Variants in AR observed in about 807,000 individuals in gnomAD.
AR encodes the protein androgen receptor.
In AR, 8 loss-of-function variants were observed where a neutral mutation model predicts 53.9. That is an observed-to-expected ratio of 0.15 (90% CI 0.09 to 0.27). The LOEUF (loss-of-function observed/expected upper bound fraction) is 0.27, where lower values mean the gene tolerates loss of function less well. Among genes scored for constraint, AR ranks in the 10% least tolerant of loss-of-function variants. The pLI, the probability that AR is intolerant of heterozygous loss-of-function variation, is 1.00. For missense variants in AR, 639 were observed against 742.5 expected, an observed-to-expected ratio of 0.86 and a Z score of 1.62; for synonymous variants, 359 against 316.4, an observed-to-expected ratio of 1.13 and a Z score of -1.43.
intron 1 of AR, among the ~76,000 whole-genome samples, chrX:67,637,752 C>T (rs1453783598): frequency 9.0e-6 from 1 of 111,280 alleles, no homozygotes; most frequent in African/African-American, 3.3e-5. Context: ...CAGCAACACT[C>T]CATTTCCGTT....
At chrX:67,655,152 A>G (rs147967903) in intron 2 of AR, among the ~76,000 whole-genome samples, 1,299 of 109,548 alleles carry the variant, frequency 0.012, 14 homozygotes, top group Non-Finnish European at 0.019. Context: ...TTCCACCAGA[A>G]TCAACTTCAG....
At position 67,546,733 on chromosome X, in the gene AR, T is replaced by C. The variant is rs757313001; in HGVS notation, c.1587T>C (p.Asp529=). The change falls in exon 1 of 8, where the codon GAT becomes GAC. Residue 529 remains aspartate (D), a synonymous_variant. Transcript: ENST00000374690. ...AAAGCGAAATGGGCCCCTGGATGGATAGCTACTCCGGACCTTACGGGGACA... is the reference window on the plus strand; with the variant it reads ...AAAGCGAAATGGGCCCCTGGATGGACAGCTACTCCGGACCTTACGGGGACA... The part of the protein sequence containing the change: ...CVKSEMGPWM[D]SYSGPYGDMR... The C allele has an allele frequency of 9.9e-6, 12 of 1,206,207 alleles. 1 individual carries two copies. The Admixed American group carries it at 1.8e-4, about 18-fold the overall frequency.
chrX:67,591,034 A>G (rs1001735322), intron 1 of AR, among the ~76,000 whole-genome samples: 4 of 111,986 alleles, frequency 3.6e-5, no homozygotes, highest in African/African-American at 1.3e-4. Context: ...TCTGCACTTT[A>G]TATTGGGTTT....
rs2076162782 is a variant in AR, at chrX:67,727,549, T to A, written c.*3708T>A. ...TTGAGCTTCAAGTAGCTTCTAAGTG[T>A]TTGTTTCATTAGGCACAGCACAGAT... is the stretch of plus-strand genomic sequence containing the variant. On this transcript the variant is annotated 3_prime_UTR_variant, in exon 8 of 8. Coordinates refer to ENST00000374690, the MANE Select transcript of AR (RefSeq NM_000044.6). 1 of 172,399 alleles carries A rather than the reference T, an allele frequency of 5.8e-6. No individual in the cohort carries two copies. Among genetic ancestry groups the A allele is most frequent in the East Asian group, 8.3e-5 (1 of 12,095 alleles). 14.2% of individuals were successfully genotyped at this position (172,399 alleles called of 1,213,427 possible). A position where few individuals can be genotyped will look rare whatever the true frequency, so the allele number is the denominator to read the frequency against.
intron 2 of AR, among the ~76,000 whole-genome samples, chrX:67,661,273 G>T (rs2147462192): frequency 9.0e-6 from 1 of 110,626 alleles, no homozygotes; most frequent in South Asian, 3.9e-4. Context: ...GGTGAGAGAG[G>T]GCATCCCTGT....
intron 3 of AR, among the ~76,000 whole-genome samples, chrX:67,696,652 A>G (rs754461880): frequency 1.8e-5 from 2 of 111,733 alleles, no homozygotes; most frequent in East Asian, 5.7e-4. Context: ...GGGGGAAAGA[A>G]TCAAGGAGCC....
intron 1 of AR, among the ~76,000 whole-genome samples, chrX:67,633,031 G>A (rs983714653): frequency 5.3e-5 from 6 of 112,267 alleles, no homozygotes; most frequent in African/African-American, 1.9e-4. Flanking sequence ...CTTTAATGTG[G>A]AGGAGCCAGA....
At chrX:67,554,816 A>G (rs1201674141) in intron 1 of AR, among the ~76,000 whole-genome samples, 1 of 108,246 alleles carries the variant, frequency 9.2e-6, no homozygotes, top group Non-Finnish European at 1.9e-5. Flanking sequence ...AGCACCCACA[A>G]TCCCAGCTAC....
intron 2 of AR, among the ~76,000 whole-genome samples, chrX:67,665,038 G>A (rs753904211): frequency 2.9e-4 from 33 of 112,879 alleles, no homozygotes; most frequent in African/African-American, 9.6e-4. Context: ...ACTAGGAAAG[G>A]GAATTCTCTG....
intron 1 of AR, among the ~76,000 whole-genome samples, chrX:67,617,519 C>T (rs1437419698): frequency 9.0e-6 from 1 of 111,295 alleles, no homozygotes; most frequent in African/African-American, 3.3e-5. Flanking sequence ...TTAAAGAACC[C>T]CTAATCCAAC....
chrX:67,679,795 G>A (rs2075922319), intron 2 of AR, among the ~76,000 whole-genome samples: 2 of 110,926 alleles, frequency 1.8e-5, no homozygotes, highest in African/African-American at 6.5e-5. Context: ...TTTATATATC[G>A]AATATATTGA....
Position 67,546,511 on chromosome X carries a change from TGGTGGCGGCGGCGGCGGC to T in AR, c.1368_1385del (p.Gly468_Gly473del), listed in dbSNP as rs878882572. 3 of 510,942 alleles carry T rather than the reference TGGTGGCGGCGGCGGCGGC, an allele frequency of 5.9e-6. No homozygotes were observed. In the South Asian group the frequency reaches 1.9e-4, roughly 32 times the overall value. 42.1% of individuals were successfully genotyped at this position (510,942 alleles called of 1,213,427 possible). A position where few individuals can be genotyped will look rare whatever the true frequency, so the allele number is the denominator to read the frequency against. ...ATGGACCGTGTGGTGGTGGTGGGGG[TGGTGGCGGCGGCGGCGGC>T]GGCGGCGGCGGCGGCGGCGGCGGCG... On this transcript the variant is annotated inframe_deletion, in exon 1 of 8. Transcript: ENST00000374690.
At chrX:67,689,241 C>T (rs1244093080) in intron 3 of AR, among the ~76,000 whole-genome samples, 1 of 111,587 alleles carries the variant, frequency 9.0e-6, no homozygotes, top group African/African-American at 3.3e-5. Context: ...GATAGTGAGA[C>T]TTGAGTGCTT....
At chrX:67,631,859 A>G (rs1203041010) in intron 1 of AR, among the ~76,000 whole-genome samples, 2 of 111,880 alleles carry the variant, frequency 1.8e-5, no homozygotes, top group Non-Finnish European at 3.8e-5. Context: ...CTTCTAAGAG[A>G]CAGGACCCTC....
intron 1 of AR, among the ~76,000 whole-genome samples, chrX:67,626,849 C>A (rs1924687980): frequency 1.1e-5 from 1 of 90,847 alleles, no homozygotes; most frequent in South Asian, 6.6e-4. Flanking sequence ...TCTCATTGTT[C>A]AATTCCCACC....
chrX:67,609,729 T>G (rs755107383), intron 1 of AR, among the ~76,000 whole-genome samples: 1 of 111,540 alleles, frequency 9.0e-6, no homozygotes, highest in African/African-American at 3.2e-5. Flanking sequence ...GTATATCAAT[T>G]TTTCCACAAA....
At chrX:67,706,275 C>T (rs1035962513) in intron 3 of AR, among the ~76,000 whole-genome samples, 3 of 111,400 alleles carry the variant, frequency 2.7e-5, no homozygotes, top group Non-Finnish European at 3.8e-5. Flanking sequence ...TCCATCTAGT[C>T]CTGGACTTTT....
intron 1 of AR, among the ~76,000 whole-genome samples, chrX:67,628,892 A>G (rs1239775698): frequency 9.0e-6 from 1 of 111,625 alleles, no homozygotes; most frequent in Non-Finnish European, 1.9e-5. Flanking sequence ...CTATTGAGAT[A>G]ATCATGTGGT....
rs776186609 is a variant in AR, at chrX:67,636,378, C to A, written c.1617-6878C>A. Among the ~76,000 whole-genome samples the A allele has an allele frequency of 1.3e-4, 15 of 111,617 alleles. No homozygotes were observed. In the South Asian group the frequency reaches 5.5e-3, roughly 41 times the overall value. On this transcript the variant is annotated intron_variant, in intron 1 of 7. Coordinates refer to ENST00000374690, the MANE Select transcript of AR (RefSeq NM_000044.6). ...ATATTCCCAAATAATATATTGCTTG[C>A]TTTTGCTTCTTTTTAAACTTTATAT...
Sources: gnomAD v4.1 joint callset for allele counts (sites outside exome capture counted in the v4.1 genomes callset) on GRCh38, gnomAD v4.1.1 for gene constraint, MANE v1.5 for transcripts, NCBI Gene and HGNC (gene_info 2026-07-23, HGNC 2026-07-21) for gene names.